Variants in SEMA5A observed in about 807,000 individuals in gnomAD.
The protein encoded by SEMA5A is semaphorin-5A.
SEMA5A carries 55 observed loss-of-function variants against 135.5 expected under a neutral mutation model. The ratio of observed to expected loss-of-function variants is 0.41; its 90% CI spans 0.33 to 0.51. The LOEUF (loss-of-function observed/expected upper bound fraction) is 0.51, where lower values mean the gene tolerates loss of function less well. SEMA5A is among the 20% of genes least tolerant of loss of function. SEMA5A has a pLI of 0.37. For synonymous variants in SEMA5A, 580 were observed against 546.5 expected (o/e 1.06, Z -0.85); for missense variants, 1,290 against 1,419.9 (o/e 0.91, Z 1.47).
chr5:9,107,931 G>C (rs1740010223), intron 16 of SEMA5A, among the ~76,000 whole-genome samples: 2 of 152,138 alleles, frequency 1.3e-5, no homozygotes, highest in South Asian at 4.1e-4. Flanking sequence ...GAGAGCATAA[G>C]GTGTTTGCAG....
chr5:9,384,547 GATAGATAGATAGATAGATAGATAC>G (rs1314100973), intron 2 of SEMA5A, among the ~76,000 whole-genome samples: 12 of 114,756 alleles, frequency 1.0e-4, no homozygotes, highest in South Asian at 3.1e-4. Flanking sequence ...TAGATAGATA[GATAGATAGATAGATAGATAGATAC>G]ATAGATAGAT....
intron 1 of SEMA5A, among the ~76,000 whole-genome samples, chr5:9,466,029 A>G (rs1759244901): frequency 1.3e-5 from 2 of 152,298 alleles, no homozygotes; most frequent in Non-Finnish European, 2.9e-5. Flanking sequence ...AATGCTAATT[A>G]TTGACCAAGA....
intron 1 of SEMA5A, among the ~76,000 whole-genome samples, chr5:9,494,600 C>T (rs915130829): frequency 7.1e-6 from 1 of 141,602 alleles, no homozygotes; most frequent in Non-Finnish European, 1.5e-5. Context: ...CCAAATCCCC[C>T]CCTTCAATGC....
intron 8 of SEMA5A, 89 bp downstream of exon 8, chr5:9,224,585 T>C: frequency 8.9e-7 from 1 of 1,125,978 alleles, no homozygotes; most frequent in Non-Finnish European, 1.3e-6. Context: ...TTCATTTTTA[T>C]TTAGAGTGTT....
At chr5:9,172,335 T>A (rs1195870913) in intron 11 of SEMA5A, among the ~76,000 whole-genome samples, 3 of 152,242 alleles carry the variant, frequency 2.0e-5, no homozygotes, top group Non-Finnish European at 4.4e-5. Context: ...GATTGCCATT[T>A]AAAGACAGTT....
At chr5:9,351,368 A>C (rs1451833203) in intron 3 of SEMA5A, among the ~76,000 whole-genome samples, 1 of 152,180 alleles carries the variant, frequency 6.6e-6, no homozygotes, top group East Asian at 1.9e-4. Context: ...GCTTTCTATG[A>C]GTTGTAATAG....
At chr5:9,173,529 T>G (rs1744041756) in intron 11 of SEMA5A, among the ~76,000 whole-genome samples, 2 of 152,138 alleles carry the variant, frequency 1.3e-5, no homozygotes, top group Admixed American at 1.3e-4. Context: ...CTTCCTTCTG[T>G]GTCTCACATA....
chr5:9,324,212 G>A (rs1752768486), intron 4 of SEMA5A, among the ~76,000 whole-genome samples: 1 of 151,990 alleles, frequency 6.6e-6, no homozygotes, highest in African/African-American at 2.4e-5. Context: ...GGGACTACAG[G>A]CGCCCGCCAC....
intron 1 of SEMA5A, among the ~76,000 whole-genome samples, chr5:9,500,781 GT>G (rs1394529106): frequency 9.2e-5 from 14 of 152,162 alleles, no homozygotes; most frequent in Admixed American, 3.3e-4. Context: ...CCTGGCTGCG[GT>G]CCACATTATA....
chr5:9,380,032 C>T lies in SEMA5A; in HGVS notation c.-77-9G>A, dbSNP rs1755529261. 6.8e-7 allele frequency: 1 copy of T among 1,480,760 alleles called. No homozygotes were observed. Among genetic ancestry groups the T allele is most frequent in the East Asian group, 2.3e-5 (1 of 43,174 alleles). The allele number at this position is 1,480,760 out of a possible 1,614,324, so 91.7% of individuals were successfully genotyped here. A position where few individuals can be genotyped will look rare whatever the true frequency, so the allele number is the denominator to read the frequency against. On this transcript the variant is annotated splice_polypyrimidine_tract_variant and intron_variant, in intron 2 of 22. Coordinates refer to ENST00000382496, the MANE Select transcript of SEMA5A (RefSeq NM_003966.3). ...TCATGTGTGGAAAGTGCCTAAAACACACAAAAGAGAAGAATCAGATGACTG... is the reference window on the plus strand; with the variant it reads ...TCATGTGTGGAAAGTGCCTAAAACATACAAAAGAGAAGAATCAGATGACTG...
intron 5 of SEMA5A, among the ~76,000 whole-genome samples, chr5:9,314,748 G>A (rs1436221539): frequency 6.6e-6 from 1 of 151,966 alleles, no homozygotes; most frequent in Non-Finnish European, 1.5e-5. Context: ...TCCAGACTAA[G>A]TAAACAGTAG....
chr5:9,399,745 G>A lies in SEMA5A; in HGVS notation c.-77-19722C>T, dbSNP rs143494235. Among the ~76,000 whole-genome samples, 1,276 of 152,228 alleles carry A rather than the reference G, an allele frequency of 8.4e-3. 24 individuals carry two copies. The highest frequency in any genetic ancestry group is 0.029 in the African/African-American group (1,187 of 41,562). On this transcript the variant is annotated intron_variant, in intron 2 of 22. Transcript: ENST00000382496. ...AGAAGATTAGGGTGTGGCTGATGAC[G>A]GAAAGGGGCCTTGAGGGGAACTTCT...
At chr5:9,319,040 CA>C (rs1314133997) in intron 4 of SEMA5A, among the ~76,000 whole-genome samples, 1 of 151,674 alleles carries the variant, frequency 6.6e-6, no homozygotes, top group Non-Finnish European at 1.5e-5. Flanking sequence ...TCTGTCTCTA[CA>C]AAAAATACAA....
chr5:9,394,364 G>A lies in SEMA5A; in HGVS notation c.-77-14341C>T, dbSNP rs1033032797. Among the ~76,000 whole-genome samples, 24 of 152,216 alleles carry A rather than the reference G, an allele frequency of 1.6e-4. No homozygotes were observed. In the East Asian group the frequency reaches 2.1e-3, roughly 13 times the overall value. Reference sequence around the variant, plus strand: ...AGAAGCAAGGAAGCCTCCAGGAAGCGTGCTCAGGACACACCATTGCCTCCA... The same window carrying A: ...AGAAGCAAGGAAGCCTCCAGGAAGCATGCTCAGGACACACCATTGCCTCCA... On this transcript the variant is annotated intron_variant, in intron 2 of 22. Coordinates refer to ENST00000382496, the MANE Select transcript of SEMA5A (RefSeq NM_003966.3).
intron 8 of SEMA5A, among the ~76,000 whole-genome samples, chr5:9,216,619 C>T (rs1213633701): frequency 6.6e-6 from 1 of 151,952 alleles, no homozygotes; most frequent in Admixed American, 6.6e-5. Flanking sequence ...TGTGTGAGTC[C>T]AAGACTAATT....
chr5:9,287,754 T>C (rs1561110119), intron 5 of SEMA5A, among the ~76,000 whole-genome samples: 1 of 152,204 alleles, frequency 6.6e-6, no homozygotes, highest in Non-Finnish European at 1.5e-5. Context: ...TGATGAGCCA[T>C]ACCAGAGATC....
At chr5:9,144,502 C>T (rs1742226336) in intron 12 of SEMA5A, among the ~76,000 whole-genome samples, 1 of 152,160 alleles carries the variant, frequency 6.6e-6, no homozygotes, top group South Asian at 2.1e-4. Flanking sequence ...TACAGCCCAC[C>T]CCTCAGAAAG....
intron 2 of SEMA5A, among the ~76,000 whole-genome samples, chr5:9,383,174 G>A (rs922170045): frequency 2.0e-5 from 3 of 152,202 alleles, no homozygotes; most frequent in Non-Finnish European, 2.9e-5. Flanking sequence ...GAGTTACAGT[G>A]TGCAAAACTG....
At position 9,369,769 on chromosome 5, in the gene SEMA5A, G is replaced by T. The variant is rs115365787; in HGVS notation, c.124+10054C>A. Among the ~76,000 whole-genome samples, 1,039 of 145,900 alleles carry T rather than the reference G, an allele frequency of 7.1e-3. 15 individuals are homozygous for T. Among genetic ancestry groups the T allele is most frequent in the African/African-American group, 0.025 (966 of 38,606 alleles). On this transcript the variant is annotated intron_variant, in intron 3 of 22. Transcript: ENST00000382496. Reference sequence around the variant, plus strand: ...AGTGTAGGTCTTCCAACATTTCCCTGCAGAACAAACCAAAAAAAAAAAAAT... The same window carrying T: ...AGTGTAGGTCTTCCAACATTTCCCTTCAGAACAAACCAAAAAAAAAAAAAT...
Sources: allele counts gnomAD v4.1 joint callset (sites outside exome capture counted in the v4.1 genomes callset), GRCh38; gene constraint gnomAD v4.1.1; transcripts MANE v1.5; gene names NCBI Gene and HGNC (gene_info 2026-07-23, HGNC 2026-07-21).